The following OR2T11 variants were observed in gnomAD, a reference collection of about 807,000 sequenced individuals.
OR2T11 encodes olfactory receptor 2T11.
In OR2T11, 14 loss-of-function variants were observed where a neutral mutation model predicts 13.5. The observed-to-expected ratio is 1.04, with a 90% CI of 0.69 to 1.62. OR2T11 has a LOEUF of 1.62. Among genes scored for constraint, OR2T11 ranks in the 40% most tolerant of loss-of-function variants. The pLI, the probability that OR2T11 is intolerant of heterozygous loss-of-function variation, is 0.00. For missense variants in OR2T11, 410 were observed against 389.7 expected, an observed-to-expected ratio of 1.05 and a Z score of -0.44; for synonymous variants, 163 against 154.6, an observed-to-expected ratio of 1.05 and a Z score of -0.40.
chr1:248,632,536 G>A (rs1174007831), intron 1 of OR2T11, among the ~76,000 whole-genome samples: 2 of 137,570 alleles, frequency 1.5e-5, no homozygotes, highest in African/African-American at 5.9e-5. Flanking sequence ...GACCATTTCT[G>A]AAATGATTAT....
chr1:248,634,054 C>T (rs1223618400), intron 1 of OR2T11, among the ~76,000 whole-genome samples: 1 of 140,354 alleles, frequency 7.1e-6, no homozygotes. Context: ...CTATAAAAGT[C>T]TAACTTTGTT....
In OR2T11 at chr1:248,624,182, A is replaced by G. The variant is rs751193829; in HGVS notation, c.*1996T>C. 1 of 143,288 alleles carries G rather than the reference A, an allele frequency of 7.0e-6. No homozygotes were observed. The allele number at this position is 143,288 out of a possible 1,614,324, so 8.9% of individuals were successfully genotyped here. On this transcript the variant is annotated 3_prime_UTR_variant, in exon 2 of 2. Transcript: ENST00000641193. ...TCTGAAACTTTCCTCCATTTCTCATATATCGATTTTCTTTTTGTACTGAAT... is the reference window on the plus strand; with the variant it reads ...TCTGAAACTTTCCTCCATTTCTCATGTATCGATTTTCTTTTTGTACTGAAT...
Position 248,633,758 on chromosome 1 carries a change from C to A in OR2T11, c.-145+1280G>T, listed in dbSNP as rs1490687783. Among the ~76,000 whole-genome samples, 5 of 143,334 alleles carry A rather than the reference C, an allele frequency of 3.5e-5. 1 individual carries two copies. The highest frequency in any genetic ancestry group is 1.4e-4 in the African/African-American group (5 of 36,504). 94.0% of individuals were successfully genotyped at this position (143,334 alleles called of 152,430 possible). A position where few individuals can be genotyped will look rare whatever the true frequency, so the allele number is the denominator to read the frequency against. ...AGGGAAAGAACAATTTTGACAACAT[C>A]AACTGACATATGTAATCCTAAACTT... On this transcript the variant is annotated intron_variant, in intron 1 of 1. Coordinates refer to ENST00000641193, the MANE Select transcript of OR2T11 (RefSeq NM_001001964.2).
chr1:248,633,826 C>G (rs563764732), intron 1 of OR2T11, among the ~76,000 whole-genome samples: 1 of 143,640 alleles, frequency 7.0e-6, no homozygotes, highest in African/African-American at 2.7e-5. Context: ...CTGCTTCCAC[C>G]CTTGAGAAAT....
chr1:248,626,413 G>A lies in OR2T11; in HGVS notation c.716C>T (p.Ser239Phe). 1.9e-6 allele frequency: 3 copies of A among 1,571,932 alleles called. 1 individual carries two copies. Among genetic ancestry groups the A allele is most frequent in the South Asian group, 2.3e-5 (2 of 88,856 alleles). ...EGRKKAFTTC[S>F]SHLTVVSIFY... Reference sequence around the variant, plus strand: ...GATGCTAACTACAGTCAAGTGGGAGGAACAAGTGGTGAAGGCCTTTTTGCG... The same window carrying A: ...GATGCTAACTACAGTCAAGTGGGAGAAACAAGTGGTGAAGGCCTTTTTGCG... Residue 239 changes from serine to phenylalanine, a missense_variant, in exon 2 of 2, where the codon TCC becomes TTC. Ser to Phe is a radical substitution (Grantham distance 155). Coordinates refer to ENST00000641193, the MANE Select transcript of OR2T11 (RefSeq NM_001001964.2).
chr1:248,633,644 C>CAGA, intron 1 of OR2T11, among the ~76,000 whole-genome samples: 2 of 139,350 alleles, frequency 1.4e-5, no homozygotes, highest in African/African-American at 5.7e-5. Flanking sequence ...TAACTATGTT[C>CAGA]AAACATGTTT....
Position 248,629,600 on chromosome 1 carries a change from C to T in OR2T11, c.-144-2328G>A, listed in dbSNP as rs138745457. 1.2e-3 allele frequency among the ~76,000 whole-genome samples: 162 copies of T among 138,352 alleles called. 22 individuals carry two copies. The highest frequency in any genetic ancestry group is 4.5e-3 in the African/African-American group (155 of 34,098). 90.8% of individuals were successfully genotyped at this position (138,352 alleles called of 152,430 possible). A position where few individuals can be genotyped will look rare whatever the true frequency, so the allele number is the denominator to read the frequency against. The stretch of plus-strand genomic sequence containing the variant: ...CAACCATCAAAGTCACATCGGGACC[C>T]GTGCATCCCGCCACGCCACTTTCTG... On this transcript the variant is annotated intron_variant, in intron 1 of 1. Transcript: ENST00000641193.
chr1:248,634,460 AT>A (rs1660658158), intron 1 of OR2T11, among the ~76,000 whole-genome samples: 1 of 143,016 alleles, frequency 7.0e-6, no homozygotes. Flanking sequence ...ACACAGTGAA[AT>A]GCTGCTAAGT....
Position 248,629,431 on chromosome 1 carries a change from A to G in OR2T11, c.-144-2159T>C, listed in dbSNP as rs141025509. On this transcript the variant is annotated intron_variant, in intron 1 of 1. Coordinates refer to ENST00000641193, the MANE Select transcript of OR2T11 (RefSeq NM_001001964.2). Reference sequence around the variant, plus strand: ...AATAAGTAAAACTTATTTATTAACAATTAAAAACCTATAATATTTCTCATG... The same window carrying G: ...AATAAGTAAAACTTATTTATTAACAGTTAAAAACCTATAATATTTCTCATG... Among the ~76,000 whole-genome samples, 562 of 141,242 alleles carry G rather than the reference A, an allele frequency of 4.0e-3. 112 individuals are homozygous for G. The highest frequency in any genetic ancestry group is 0.015 in the African/African-American group (526 of 35,524). 92.7% of individuals were successfully genotyped at this position (141,242 alleles called of 152,430 possible).
rs1660517755 is a variant in OR2T11 at position 248,626,335 on chromosome 1, G to A, written c.794C>T (p.Pro265Leu). ...GGCTGACACTACTTTGTCCTGCTCG[G>A]GGGTGTGGAAGGACTGGGGCAGCAC... ...TYVLPQSFHT[P>L]EQDKVVSAFY... The change falls in exon 2 of 2, where the codon CCC (proline) becomes CTC (leucine). Residue 265 changes from proline (P) to leucine (L), a missense_variant. Physicochemically the swap from Pro to Leu is moderately conservative, Grantham distance 98. Transcript: ENST00000641193. 2.5e-6 allele frequency: 4 copies of A among 1,573,076 alleles called. No homozygotes were observed. Among genetic ancestry groups the A allele is most frequent in the Non-Finnish European group, 3.5e-6 (4 of 1,156,464 alleles).
intron 1 of OR2T11, among the ~76,000 whole-genome samples, chr1:248,631,936 C>T (rs971577542): frequency 1.4e-5 from 2 of 143,180 alleles, no homozygotes; most frequent in Non-Finnish European, 3.0e-5. Flanking sequence ...CGTACTATTC[C>T]CTGTTGGGGA....
At position 248,627,000 on chromosome 1, in the gene OR2T11, T is replaced by A; in HGVS notation, c.129A>T (p.Ile43=). The A allele has an allele frequency of 6.4e-7, 1 of 1,570,272 alleles. No homozygotes were observed. Among genetic ancestry groups the A allele is most frequent in the Middle Eastern group, 1.7e-4 (1 of 5,970 alleles). The change falls in exon 2 of 2, where the codon ATA becomes ATT. Residue 43 remains isoleucine (I), a synonymous_variant. Transcript: ENST00000641193. ...GGCGAGAGTCCACCTGAATCAAGAATATCATGACCAAATTTGCAGTCACGG... is the reference window on the plus strand; with the variant it reads ...GGCGAGAGTCCACCTGAATCAAGAAAATCATGACCAAATTTGCAGTCACGG... ...LGAVTANLVM[I]FLIQVDSRLH...
In OR2T11 at chr1:248,628,263, T is replaced by C. The variant is rs1412191876; in HGVS notation, c.-144-991A>G. Among the ~76,000 whole-genome samples, 8 of 143,360 alleles carry C rather than the reference T, an allele frequency of 5.6e-5. 2 individuals are homozygous for C. Among genetic ancestry groups the C allele is most frequent in the Non-Finnish European group, 1.1e-4 (7 of 66,268 alleles). The allele number at this position is 143,360 out of a possible 152,430, so 94.0% of individuals were successfully genotyped here. ...TATCTTTAACATACCAGGTGGAAGA[T>C]AGATTTAACTGTTAGACAAGAGAAA... is the stretch of plus-strand genomic sequence containing the variant. On this transcript the variant is annotated intron_variant, in intron 1 of 1. Coordinates refer to ENST00000641193, the MANE Select transcript of OR2T11 (RefSeq NM_001001964.2).
intron 1 of OR2T11, among the ~76,000 whole-genome samples, chr1:248,628,689 T>A (rs1431121688): frequency 7.0e-6 from 1 of 143,292 alleles, no homozygotes; most frequent in Non-Finnish European, 1.5e-5. Flanking sequence ...CCTTGAAAAG[T>A]GACCAGTAGA....
intron 1 of OR2T11, among the ~76,000 whole-genome samples, chr1:248,630,682 CTTA>C: frequency 6.9e-6 from 1 of 143,954 alleles, no homozygotes; most frequent in Non-Finnish European, 1.5e-5. Context: ...TGCCATAGGG[CTTA>C]TTAATTTGCT....
intron 1 of OR2T11, among the ~76,000 whole-genome samples, chr1:248,628,618 G>C (rs1487580033): frequency 7.0e-6 from 1 of 142,888 alleles, no homozygotes; most frequent in Non-Finnish European, 1.5e-5. Context: ...AAATTTAGCT[G>C]GTTGTCCTTT....
Position 248,634,832 on chromosome 1 carries a change from T to C in OR2T11, c.-145+206A>G, listed in dbSNP as rs1322048148. On this transcript the variant is annotated intron_variant, in intron 1 of 1. Transcript: ENST00000641193. ...TACAGAGGTCTGCGTTTTTCCTTTA[T>C]GCTAAATAATTATCTAATTATCTTC... 2.1e-5 allele frequency among the ~76,000 whole-genome samples: 3 copies of C among 143,086 alleles called. 1 individual carries two copies. The highest frequency in any genetic ancestry group is 2.0e-4 in the East Asian group (1 of 4,976). 93.9% of individuals were successfully genotyped at this position (143,086 alleles called of 152,430 possible).
Position 248,626,538 on chromosome 1 carries a change from G to GTCCTCA in OR2T11, c.590_591insTGAGGA (p.Tyr197_Ile198insGluAsp). 1 of 1,566,730 alleles carries GTCCTCA rather than the reference G, an allele frequency of 6.4e-7. No individual in the cohort carries two copies. The highest frequency in any genetic ancestry group is 8.7e-7 in the Non-Finnish European group (1 of 1,150,940). The stretch of plus-strand genomic sequence containing the variant: ...TGAGCAACATGAGGACACAGCAGAT[G>GTCCTCA]TACATCAGAGTTTCATACAAGGACG... On this transcript the variant is annotated inframe_insertion, in exon 2 of 2. Coordinates refer to ENST00000641193, the MANE Select transcript of OR2T11 (RefSeq NM_001001964.2).
chr1:248,627,255 A>C lies in OR2T11; in HGVS notation c.-127T>G, dbSNP rs903400342. 1.8e-5 allele frequency: 11 copies of C among 606,964 alleles called. 2 individuals are homozygous for C. In the African/African-American group the frequency reaches 1.9e-4, roughly 10 times the overall value. The allele number at this position is 606,964 out of a possible 1,614,324, so 37.6% of individuals were successfully genotyped here. ...CACTTCTGAGGGTACCGTCAGGATG[A>C]AGCTTCCAGGCTAGAGGCTAGAGAA... On this transcript the variant is annotated 5_prime_UTR_variant, in exon 2 of 2. Transcript: ENST00000641193.
Sources: gnomAD v4.1 joint callset for allele counts (sites outside exome capture counted in the v4.1 genomes callset) on GRCh38, gnomAD v4.1.1 for gene constraint, MANE v1.5 for transcripts, NCBI Gene and HGNC (gene_info 2026-07-23, HGNC 2026-07-21) for gene names.